ASNS: variants seen among roughly 807,000 people sequenced by gnomAD.
ASNS encodes the protein asparagine synthetase [glutamine-hydrolyzing].
In ASNS, 37 loss-of-function variants were observed where a neutral mutation model predicts 62.6. The ratio of observed to expected loss-of-function variants is 0.59; its 90% CI spans 0.45 to 0.78. The LOEUF is 0.78. Among genes scored for constraint, ASNS ranks in the 30% least tolerant of loss-of-function variants. ASNS has a pLI of 0.00. For missense variants in ASNS, 520 were observed against 682.4 expected, an observed-to-expected ratio of 0.76 and a Z score of 2.65; for synonymous variants, 207 against 237.9, an observed-to-expected ratio of 0.87 and a Z score of 1.19.
rs1161522054 is a variant in ASNS at position 97,864,265 on chromosome 7, C to T, written c.481G>A (p.Ala161Thr). The T allele has an allele frequency of 1.2e-6, 2 of 1,612,408 alleles. No individual in the cohort carries two copies. Among genetic ancestry groups the T allele is most frequent in the East Asian group, 2.2e-5 (1 of 44,818 alleles). The change falls in exon 4 of 13, where the codon GCT becomes ACT. Residue 161 changes from alanine to threonine, a missense_variant. Transcript: ENST00000394308. ...EDGFLAVCSEAKGLVTLKHSA... is the reference protein window; with the variant it reads ...EDGFLAVCSETKGLVTLKHSA... ...TAGAAAAATTTATTATTACCTTTAG[C>T]TTCTGAACATACAGCCAAAAATCCA...
At chr7:97,853,479 A>T (rs1791285693) in intron 10 of ASNS, 93 bp from the exon 11 acceptor site, 2 of 1,070,568 alleles carry the variant, frequency 1.9e-6, no homozygotes, top group Non-Finnish European at 2.8e-6. Context: ...ATTCAACCAG[A>T]TCTTAAGAAA....
At position 97,870,159 on chromosome 7, in the gene ASNS, A is replaced by G. The variant is rs529366316; in HGVS notation, c.-59-346T>C. On this transcript the variant is annotated intron_variant, in intron 1 of 12. Transcript: ENST00000394308. ...GGCTGCTGCCAGCTCAAAATGACAC[A>G]TTGCACCATGTGTGGCATTTGGGCC... is the stretch of plus-strand genomic sequence containing the variant. 3.0e-5 allele frequency: 25 copies of G among 841,752 alleles called. No individual in the cohort carries two copies. The South Asian group carries it at 1.1e-3, about 38-fold the overall frequency. 52.1% of individuals were successfully genotyped at this position (841,752 alleles called of 1,614,324 possible). A position where few individuals can be genotyped will look rare whatever the true frequency, so the allele number is the denominator to read the frequency against.
At chr7:97,896,741 C>CACACACACACACAT in the ASNS span, among the ~76,000 whole-genome samples, 3 of 19,782 alleles carry the variant, frequency 1.5e-4, no homozygotes, top group African/African-American at 3.3e-4. Flanking sequence ...CACACACACA[C>CACACACACACACAT]ATATATATAT....
the ASNS span, chr7:97,906,413 C>T: frequency 3.8e-6 from 1 of 266,656 alleles, no homozygotes; most frequent in South Asian, 3.8e-5. Flanking sequence ...CAACCCATGT[C>T]CCCAGTGCAT....
At chr7:97,869,338 T>C (rs1455981138) in intron 2 of ASNS, among the ~76,000 whole-genome samples, 159 bp from the exon 3 acceptor site, 1 of 152,004 alleles carries the variant, frequency 6.6e-6, no homozygotes, top group East Asian at 1.9e-4. Flanking sequence ...CACATGGGAG[T>C]AGAGAATGAT....
chr7:97,857,415 T>C (rs970139399), intron 7 of ASNS, among the ~76,000 whole-genome samples: 4 of 152,076 alleles, frequency 2.6e-5, no homozygotes, highest in Non-Finnish European at 4.4e-5. Context: ...AAAATAATAA[T>C]AACAGCTAAC....
the ASNS span, among the ~76,000 whole-genome samples, chr7:97,912,026 G>C: frequency 2.6e-5 from 4 of 152,144 alleles, no homozygotes; most frequent in African/African-American, 9.7e-5. Flanking sequence ...TCTTGGAGAG[G>C]AGGAGAGAGG....
chr7:97,910,214 C>T, the ASNS span, among the ~76,000 whole-genome samples: 6 of 152,222 alleles, frequency 3.9e-5, no homozygotes, highest in Non-Finnish European at 7.3e-5. Context: ...AGCCCCTAAT[C>T]ATCAGACTGG....
chr7:97,887,887 A>T, the ASNS span, among the ~76,000 whole-genome samples: 1 of 152,238 alleles, frequency 6.6e-6, no homozygotes, highest in South Asian at 2.1e-4. Flanking sequence ...TATAATGAAT[A>T]TGACTGTAGA....
Position 97,858,510 on chromosome 7 carries a change from T to C in ASNS, c.776-105A>G, listed in dbSNP as rs1235896764. 4.9e-6 allele frequency: 7 copies of C among 1,420,582 alleles called. No individual in the cohort carries two copies. The South Asian group carries it at 6.8e-5, about 14-fold the overall frequency. 88.0% of individuals were successfully genotyped at this position (1,420,582 alleles called of 1,614,324 possible). A position where few individuals can be genotyped will look rare whatever the true frequency, so the allele number is the denominator to read the frequency against. On this transcript the variant is annotated intron_variant, in intron 6 of 12. Coordinates refer to ENST00000394308, the MANE Select transcript of ASNS (RefSeq NM_001673.5). ...AAACACCAAGATCATAGTTTTACTA[T>C]TTAAAATCCGCCAAGTTTTATAAAC...
At chr7:97,883,650 G>T in the ASNS span, among the ~76,000 whole-genome samples, 95 of 152,238 alleles carry the variant, frequency 6.2e-4, no homozygotes, top group African/African-American at 2.2e-3. Flanking sequence ...CATCCAAACC[G>T]ATCACTCGCT....
the ASNS span, among the ~76,000 whole-genome samples, chr7:97,926,125 T>C: frequency 6.8e-6 from 1 of 146,414 alleles, no homozygotes; most frequent in Middle Eastern, 3.3e-3. Context: ...GGGGTCCCGA[T>C]TTACCTGCTA....
intron 12 of ASNS, 113 bp from the exon 13 acceptor site, chr7:97,852,581 AC>A: frequency 9.8e-7 from 1 of 1,023,062 alleles, no homozygotes; most frequent in Admixed American, 1.9e-5. Flanking sequence ...CTTGTATGAG[AC>A]CCTTTGAATC....
the ASNS span, among the ~76,000 whole-genome samples, chr7:97,919,946 T>G: frequency 6.6e-6 from 1 of 152,120 alleles, no homozygotes; most frequent in Non-Finnish European, 1.5e-5. Context: ...CTTCCTCTTC[T>G]GTGCCTTTAA....
At chr7:97,870,082 A>G (rs1792179848) in intron 1 of ASNS, 1 of 340,866 alleles carries the variant, frequency 2.9e-6, no homozygotes, top group Non-Finnish European at 5.2e-6. Flanking sequence ...ACATACGTTA[A>G]TTACTTTCCA....
At chr7:97,859,617 C>A (rs75541697) in intron 4 of ASNS, among the ~76,000 whole-genome samples, 1 of 152,168 alleles carries the variant, frequency 6.6e-6, no homozygotes, top group African/African-American at 2.4e-5. Flanking sequence ...CCAAATTACA[C>A]TAACTTTTCG....
the ASNS span, among the ~76,000 whole-genome samples, chr7:97,908,610 C>T: frequency 2.0e-5 from 3 of 152,068 alleles, no homozygotes; most frequent in African/African-American, 7.2e-5. Context: ...TCTTGTTGGC[C>T]AGGCTGGTCT....
At chr7:97,905,547 A>G in the ASNS span, among the ~76,000 whole-genome samples, 2 of 152,170 alleles carry the variant, frequency 1.3e-5, no homozygotes, top group Non-Finnish European at 2.9e-5. Context: ...AACCTCTTCC[A>G]TATCTCAAAG....
At chr7:97,905,637 T>C in the ASNS span, among the ~76,000 whole-genome samples, 2 of 152,194 alleles carry the variant, frequency 1.3e-5, no homozygotes, top group African/African-American at 4.8e-5. Flanking sequence ...CCTAGATCAC[T>C]GTATCTTGAC....
Sources: allele counts gnomAD v4.1 joint callset (sites outside exome capture counted in the v4.1 genomes callset), GRCh38; gene constraint gnomAD v4.1.1; transcripts MANE v1.5; gene names NCBI Gene and HGNC (gene_info 2026-07-23, HGNC 2026-07-21).